Variants in MYO1H observed in about 807,000 individuals in gnomAD.
The protein encoded by MYO1H is myosin IH, also known as unconventional myosin-Ih.
MYO1H carries 118 observed loss-of-function variants against 149.3 expected under a neutral mutation model. The ratio of observed to expected loss-of-function variants is 0.79; its 90% CI spans 0.68 to 0.92. The LOEUF is 0.92. Ranked by LOEUF, MYO1H falls within the 40% of genes least tolerant of loss-of-function variation. The pLI is 0.00. For missense variants in MYO1H, 1,212 were observed against 1,280.7 expected, an observed-to-expected ratio of 0.95 and a Z score of 0.82; for synonymous variants, 447 against 465.2, an observed-to-expected ratio of 0.96 and a Z score of 0.50.
At chr12:109,316,808 A>G in the MYO1H span, among the ~76,000 whole-genome samples, 4 of 152,172 alleles carry the variant, frequency 2.6e-5, no homozygotes, top group East Asian at 7.7e-4. Context: ...TCGGGTCCCT[A>G]AGAATGTGTT....
exon 27 of MYO1H, chr12:109,442,218 T>G (rs2135603558): frequency 6.2e-7 from 1 of 1,613,746 alleles, no homozygotes; most frequent in African/African-American, 1.3e-5. Context: ...CCTCTCTAGA[T>G]GAAGGAGACA....
the MYO1H span, among the ~76,000 whole-genome samples, chr12:109,334,129 A>G: frequency 0.54 from 81,925 of 151,584 alleles, 22,608 homozygotes; most frequent in Middle Eastern, 0.66. Flanking sequence ...CGATTCTCCT[A>G]CCTCAGCCTC....
At chr12:109,446,231 T>C (rs1872474287) in intron 31 of MYO1H, 1 of 985,326 alleles carries the variant, frequency 1.0e-6, no homozygotes, top group African/African-American at 1.7e-5. Flanking sequence ...ACAAGTACGC[T>C]GCCTTCCCTG....
At chr12:109,338,765 CAAAAAAAAAAAA>C in the MYO1H span, among the ~76,000 whole-genome samples, 3 of 87,350 alleles carry the variant, frequency 3.4e-5, no homozygotes, top group Non-Finnish European at 6.6e-5. Context: ...GACTCCATCT[CAAAAAAAAAAAA>C]AAAAAAAAAA....
In MYO1H at chr12:109,355,165, GC is replaced by G. The variant is rs572675686; in HGVS notation, c.12+7198del. Among the ~76,000 whole-genome samples, 27 of 152,162 alleles carry G rather than the reference GC, an allele frequency of 1.8e-4. No homozygotes were observed. The South Asian group carries it at 2.5e-3, about 14-fold the overall frequency. ...TGGTTCCTTCCTCCCTCCTCTGTGA[GC>G]CCCCTTTTCTACCCCACAGTGTTTG... is the stretch of plus-strand genomic sequence containing the variant. On this transcript the variant is annotated intron_variant, in intron 1 of 31. Coordinates refer to ENST00000310903, the Ensembl canonical transcript of MYO1H.
At chr12:109,320,298 A>T in the MYO1H span, among the ~76,000 whole-genome samples, 11 of 152,100 alleles carry the variant, frequency 7.2e-5, 1 homozygote, top group African/African-American at 2.2e-4. Flanking sequence ...TGGGTGACAG[A>T]GCAAGACCCT....
intron 15 of MYO1H, among the ~76,000 whole-genome samples, chr12:109,417,616 C>A (rs950425223): frequency 2.6e-4 from 39 of 152,116 alleles, no homozygotes; most frequent in African/African-American, 9.4e-4. Context: ...CGTGAGCCAC[C>A]ATGCCCCGCC....
chr12:109,378,691 T>C (rs1869138334), intron 1 of MYO1H, among the ~76,000 whole-genome samples: 1 of 152,096 alleles, frequency 6.6e-6, no homozygotes, highest in African/African-American at 2.4e-5. Context: ...ACACTTATTA[T>C]CTGATATTTT....
At chr12:109,350,657 T>C (rs1159791406) in intron 1 of MYO1H, among the ~76,000 whole-genome samples, 2 of 152,228 alleles carry the variant, frequency 1.3e-5, no homozygotes, top group Non-Finnish European at 2.9e-5. Flanking sequence ...AGGAAGAGAC[T>C]CATGGCTTAT....
rs1476233588 is a variant in MYO1H, at chr12:109,404,131, A to G, written c.849+51A>G. ...TAGTTCCCCCTGGGACTGAGGAAAC[A>G]TTCCTAATTTCTTGGTGTTTGCAGA... On this transcript the variant is annotated intron_variant, in intron 7 of 31. Transcript: ENST00000310903. The G allele has an allele frequency of 2.2e-6, 3 of 1,375,960 alleles. No homozygotes were observed. In the African/African-American group the frequency reaches 4.3e-5, roughly 20 times the overall value. 85.2% of individuals were successfully genotyped at this position (1,375,960 alleles called of 1,614,324 possible). A position where few individuals can be genotyped will look rare whatever the true frequency, so the allele number is the denominator to read the frequency against.
chr12:109,405,836 C>A, intron 7 of MYO1H, 86 bp from the exon 8 acceptor site: 1 of 918,678 alleles, frequency 1.1e-6, no homozygotes, highest in South Asian at 1.4e-5. Flanking sequence ...TCAGGTGTCT[C>A]CACTAATGAC....
chr12:109,379,107 A>G (rs1869148263), intron 1 of MYO1H, among the ~76,000 whole-genome samples: 1 of 152,226 alleles, frequency 6.6e-6, no homozygotes. Context: ...ATTAAATACA[A>G]ATTTCAGTTC....
Position 109,433,011 on chromosome 12 carries a change from G to A in MYO1H, c.2063+1G>A. On this transcript the variant is annotated splice_donor_variant, in intron 20 of 31. Coordinates refer to ENST00000310903, the Ensembl canonical transcript of MYO1H. LOFTEE classifies it high-confidence loss of function. ...AACCCGAGGAATACAAGTTAGGCAAGTAAGTGACCAGAAGACCACCAAATG... is the reference window on the plus strand; with the variant it reads ...AACCCGAGGAATACAAGTTAGGCAAATAAGTGACCAGAAGACCACCAAATG... 1 of 1,612,784 alleles carries A rather than the reference G, an allele frequency of 6.2e-7. No homozygotes were observed. Among genetic ancestry groups the A allele is most frequent in the Non-Finnish European group, 8.5e-7 (1 of 1,178,776 alleles).
chr12:109,439,461 C>T (rs1000013803), intron 23 of MYO1H, 170 bp from the exon 24 acceptor site: 3 of 436,606 alleles, frequency 6.9e-6, no homozygotes, highest in East Asian at 3.6e-5. Context: ...AACAAAAGGC[C>T]GTGTGGGTGA....
intron 4 of MYO1H, 43 bp from the exon 5 acceptor site, chr12:109,397,689 A>C (rs368771037): frequency 8.5e-5 from 130 of 1,523,788 alleles, no homozygotes; most frequent in Middle Eastern, 3.4e-4. Context: ...TTTGATACGC[A>C]TGGTGAGCTT....
At chr12:109,393,539 TCATCCATCCATCCATCCATC>T in intron 3 of MYO1H, 93 bp downstream of exon 3, 4 of 680,858 alleles carry the variant, frequency 5.9e-6, no homozygotes, top group Non-Finnish European at 1.0e-5. Context: ...GTCCATCCAT[TCATCCATCCATCCATCCATC>T]CATCCATCCA....
At chr12:109,391,727 TA>T (rs1353912456) in intron 2 of MYO1H, among the ~76,000 whole-genome samples, 1 of 152,244 alleles carries the variant, frequency 6.6e-6, no homozygotes, top group Non-Finnish European at 1.5e-5. Context: ...CAGCATCTGT[TA>T]TTTTTTTACT....
intron 23 of MYO1H, 151 bp from the exon 24 acceptor site, chr12:109,439,480 A>G (rs555834490): frequency 3.4e-6 from 1 of 289,964 alleles, no homozygotes; most frequent in East Asian, 5.3e-5. Flanking sequence ...GAAATCGAAC[A>G]TATATGTGGG....
At chr12:109,347,269 T>C (rs1345779720), upstream of MYO1H, among the ~76,000 whole-genome samples, 1 of 152,172 alleles carries the variant, frequency 6.6e-6, no homozygotes, top group East Asian at 1.9e-4. Context: ...CTTTATACGA[T>C]GAGGCCCAGA....
Sources: gnomAD v4.1 joint callset for allele counts (sites outside exome capture counted in the v4.1 genomes callset) on GRCh38, gnomAD v4.1.1 for gene constraint, MANE v1.5 for transcripts, NCBI Gene and HGNC (gene_info 2026-07-23, HGNC 2026-07-21) for gene names.